The following RBFOX2 variants were observed in gnomAD, a reference collection of about 807,000 sequenced individuals.
The protein encoded by RBFOX2 is RNA binding fox-1 homolog 2, also known as RNA binding protein fox-1 homolog 2.
A neutral mutation model predicts 49.1 loss-of-function variants in RBFOX2; 10 were observed. The observed-to-expected ratio is 0.20, with a 90% CI of 0.13 to 0.35. The LOEUF (loss-of-function observed/expected upper bound fraction) is 0.35. Among genes scored for constraint, RBFOX2 ranks in the 10% least tolerant of loss-of-function variants. The pLI, the probability that RBFOX2 is intolerant of heterozygous loss-of-function variation, is 1.00. For synonymous variants in RBFOX2, 183 were observed against 187.4 expected (o/e 0.98, Z 0.19); for missense variants, 323 against 486.9 (o/e 0.66, Z 3.17).
intron 1 of RBFOX2, among the ~76,000 whole-genome samples, chr22:36,014,228 T>C (rs1473209004): frequency 6.6e-6 from 1 of 151,864 alleles, no homozygotes; most frequent in African/African-American, 2.4e-5. Flanking sequence ...TTCACGCCAT[T>C]CTCCTGCCTC....
At chr22:35,996,092 G>A (rs550167446) in intron 1 of RBFOX2, 7 of 152,270 alleles carry the variant, frequency 4.6e-5, no homozygotes, top group African/African-American at 1.7e-4. Flanking sequence ...TCCCATTCTG[G>A]CCTCAGCAAA....
At chr22:36,008,202 C>A (rs1335997532) in intron 1 of RBFOX2, among the ~76,000 whole-genome samples, 2 of 152,122 alleles carry the variant, frequency 1.3e-5, no homozygotes, top group African/African-American at 4.8e-5. Flanking sequence ...AATTTTTATT[C>A]TAATTTTATA....
intron 2 of RBFOX2, among the ~76,000 whole-genome samples, chr22:35,787,882 G>A (rs759119907): frequency 1.4e-4 from 21 of 152,128 alleles, no homozygotes; most frequent in Non-Finnish European, 2.9e-4. Context: ...GATGGAGTCC[G>A]TTCACCGACA....
At chr22:35,816,313 C>G (rs1039494042) in intron 1 of RBFOX2, among the ~76,000 whole-genome samples, 1 of 151,870 alleles carries the variant, frequency 6.6e-6, no homozygotes, top group Non-Finnish European at 1.5e-5. Context: ...TTGAACTGTT[C>G]TTAACTTTTT....
chr22:35,779,737 T>C (rs1476848117), intron 3 of RBFOX2, among the ~76,000 whole-genome samples: 1 of 152,226 alleles, frequency 6.6e-6, no homozygotes, highest in African/African-American at 2.4e-5. Flanking sequence ...ATGCCTGCTC[T>C]TTACCAACGT....
upstream of RBFOX2, among the ~76,000 whole-genome samples, chr22:35,965,077 T>C (rs1296082440): frequency 6.6e-6 from 1 of 152,202 alleles, no homozygotes; most frequent in South Asian, 2.1e-4. Context: ...GTATTCAATA[T>C]AGCCAAGGTG....
At chr22:35,837,970 G>C (rs1957990478) in intron 1 of RBFOX2, among the ~76,000 whole-genome samples, 1 of 152,042 alleles carries the variant, frequency 6.6e-6, no homozygotes, top group South Asian at 2.1e-4. Context: ...AGCTCCTCTA[G>C]AAACTAAGGG....
intron 2 of RBFOX2, among the ~76,000 whole-genome samples, chr22:35,783,066 C>A (rs1419004385): frequency 1.3e-5 from 2 of 152,146 alleles, no homozygotes; most frequent in Admixed American, 6.5e-5. Flanking sequence ...GAATTTACAA[C>A]CCACTAAGAG....
At chr22:35,762,011 G>A (rs1939073632) in intron 6 of RBFOX2, among the ~76,000 whole-genome samples, 2 of 152,084 alleles carry the variant, frequency 1.3e-5, no homozygotes, top group South Asian at 4.1e-4. Flanking sequence ...TTACCATTGG[G>A]ATTTTACTGG....
intron 11 of RBFOX2, 43 bp downstream of exon 13, chr22:35,745,880 G>A: frequency 6.5e-7 from 1 of 1,546,854 alleles, no homozygotes; most frequent in Non-Finnish European, 8.9e-7. Flanking sequence ...GTAAAAGAAG[G>A]AATGAAATGG....
chr22:36,013,239 C>T (rs1045997642), intron 1 of RBFOX2, among the ~76,000 whole-genome samples: 27 of 151,960 alleles, frequency 1.8e-4, no homozygotes, highest in Admixed American at 1.8e-3. Flanking sequence ...CGCCACTGCA[C>T]TCCAGCCTGG....
intron 1 of RBFOX2, among the ~76,000 whole-genome samples, chr22:35,988,138 G>A (rs1274382992): frequency 6.6e-6 from 1 of 152,160 alleles, no homozygotes; most frequent in Non-Finnish European, 1.5e-5. Flanking sequence ...GGGCCACCTT[G>A]GCCTTTGAAC....
intron 1 of RBFOX2, among the ~76,000 whole-genome samples, chr22:35,924,687 C>T (rs1009191822): frequency 2.0e-5 from 3 of 152,210 alleles, no homozygotes; most frequent in Non-Finnish European, 4.4e-5. Flanking sequence ...CTCTGTATTT[C>T]AACAAGCTGA....
exon 12 of RBFOX2, chr22:35,741,304 T>C (rs772013361): frequency 1.3e-5 from 2 of 152,228 alleles, no homozygotes; most frequent in African/African-American, 2.4e-5. Flanking sequence ...TGAAAAAGAA[T>C]CATGCATGTA....
chr22:35,871,222 C>T (rs1010813223), intron 1 of RBFOX2, among the ~76,000 whole-genome samples: 9 of 152,130 alleles, frequency 5.9e-5, no homozygotes, highest in Admixed American at 5.9e-4. Flanking sequence ...GACCTATGCT[C>T]TAAAATATTA....
chr22:35,992,318 C>G (rs184196651), intron 1 of RBFOX2: 1 of 152,074 alleles, frequency 6.6e-6, no homozygotes, highest in Non-Finnish European at 1.5e-5. Flanking sequence ...CACACACACA[C>G]AAGTAACAAT....
intron 1 of RBFOX2, among the ~76,000 whole-genome samples, chr22:35,873,278 T>C (rs1374070279): frequency 6.6e-6 from 1 of 152,066 alleles, no homozygotes; most frequent in African/African-American, 2.4e-5. Context: ...ATTACAGGTG[T>C]GTACCACCAC....
rs138253808 is a variant in RBFOX2 at position 36,002,107 on chromosome 22, A to C, written c.186+26133T>G. On this transcript the variant is annotated intron_variant, in intron 1 of 13. Transcript: ENST00000438146. ...GAAAACAACAACAACAACAACAAAC[A>C]AATTAAAAAGCCAAGATACCATTTT... Among the ~76,000 whole-genome samples, 23 of 152,216 alleles carry C rather than the reference A, an allele frequency of 1.5e-4. 1 individual carries two copies. The highest frequency in any genetic ancestry group is 5.5e-4 in the African/African-American group (23 of 41,540).
At chr22:35,795,380 T>C (rs1221984244) in intron 2 of RBFOX2, among the ~76,000 whole-genome samples, 1 of 152,044 alleles carries the variant, frequency 6.6e-6, no homozygotes, top group Non-Finnish European at 1.5e-5. Context: ...GAAGGTAATA[T>C]AGCCCAACAA....
Sources: gnomAD v4.1 joint callset for allele counts (sites outside exome capture counted in the v4.1 genomes callset) on GRCh38, gnomAD v4.1.1 for gene constraint, MANE v1.5 for transcripts, NCBI Gene and HGNC (gene_info 2026-07-23, HGNC 2026-07-21) for gene names.